RIC3: variants seen among roughly 807,000 people sequenced by gnomAD.
RIC3 encodes RIC3 acetylcholine receptor chaperone, also known as protein RIC-3.
In RIC3, 28 loss-of-function variants were observed where a neutral mutation model predicts 27.3. The observed-to-expected ratio is 1.02, with a 90% CI of 0.76 to 1.41. The LOEUF (loss-of-function observed/expected upper bound fraction) is 1.41. Among genes scored for constraint, RIC3 ranks in the 40% most tolerant of loss-of-function variants. The probability of loss-of-function intolerance (pLI) is 0.00; values close to 1 mark genes in which losing one functional copy is unlikely to be tolerated. For synonymous variants in RIC3, 184 were observed against 160.4 expected (o/e 1.15, Z -1.11); for missense variants, 501 against 444.7 (o/e 1.13, Z -1.14).
chr11:8,111,177 TCCTC>T, intron 5 of RIC3, 40 bp from the exon 6 acceptor site: 1 of 1,321,074 alleles, frequency 7.6e-7, no homozygotes, highest in Non-Finnish European at 1.0e-6. Flanking sequence ...AAAGAATGTC[TCCTC>T]AAAAAAAAAA....
intron 1 of RIC3, among the ~76,000 whole-genome samples, chr11:8,166,993 A>T (rs1030241688): frequency 6.6e-6 from 1 of 152,208 alleles, no homozygotes; most frequent in South Asian, 2.1e-4. Context: ...AAGATTCTCA[A>T]TGGTGTATGT....
intron 4 of RIC3, among the ~76,000 whole-genome samples, chr11:8,135,202 G>A (rs892714199): frequency 3.9e-5 from 6 of 152,112 alleles, no homozygotes; most frequent in Non-Finnish European, 8.8e-5. Flanking sequence ...TCTACATATG[G>A]CTAGCCAGTT....
At chr11:8,126,918 G>T in intron 4 of RIC3, 111 bp from the exon 5 acceptor site, 1 of 1,249,948 alleles carries the variant, frequency 8.0e-7, no homozygotes, top group Non-Finnish European at 1.1e-6. Context: ...AATTGCAGCA[G>T]ATAATTATTC....
intron 1 of RIC3, among the ~76,000 whole-genome samples, chr11:8,165,982 T>C (rs1326452697): frequency 1.3e-5 from 2 of 151,616 alleles, no homozygotes; most frequent in African/African-American, 4.9e-5. Flanking sequence ...GAGATGGGGG[T>C]CTTGTTATGT....
chr11:8,163,996 A>C (rs1455225964), intron 1 of RIC3, among the ~76,000 whole-genome samples: 1 of 152,214 alleles, frequency 6.6e-6, no homozygotes, highest in African/African-American at 2.4e-5. Flanking sequence ...GGCTAAGGAT[A>C]AGTATACAGA....
intron 5 of RIC3, among the ~76,000 whole-genome samples, chr11:8,121,585 A>G (rs982665142): frequency 1.3e-5 from 2 of 152,052 alleles, no homozygotes; most frequent in Non-Finnish European, 2.9e-5. Context: ...GCATGGTGGC[A>G]CATGACTGTA....
intron 2 of RIC3, chr11:8,139,737 C>G (rs1292755326): frequency 4.1e-6 from 2 of 483,792 alleles, no homozygotes; most frequent in Non-Finnish European, 7.2e-6. Flanking sequence ...CTAGTTCTGC[C>G]TTGTTAGTTG....
intron 5 of RIC3, among the ~76,000 whole-genome samples, chr11:8,117,312 G>C (rs1247773807): frequency 1.3e-5 from 2 of 152,170 alleles, no homozygotes; most frequent in African/African-American, 4.8e-5. Flanking sequence ...CAATCCACCT[G>C]CCTCGGCCTC....
chr11:8,102,638 C>G (rs928236956), downstream of RIC3: 1 of 152,262 alleles, frequency 6.6e-6, no homozygotes, highest in Non-Finnish European at 1.5e-5. Context: ...AACTTTCTCA[C>G]TGCTGTCAGC....
intron 4 of RIC3, among the ~76,000 whole-genome samples, chr11:8,136,097 G>A (rs1035638985): frequency 2.6e-5 from 4 of 152,052 alleles, no homozygotes; most frequent in African/African-American, 7.2e-5. Flanking sequence ...AAGGCTCCTG[G>A]GCCCACACAG....
rs182968696 is a variant in RIC3, at chr11:8,158,031, A to C, written c.124+10835T>G. Among the ~76,000 whole-genome samples, 971 of 152,296 alleles carry C rather than the reference A, an allele frequency of 6.4e-3. 22 individuals carry two copies. The highest frequency in any genetic ancestry group is 0.051 in the Admixed American group (780 of 15,290). On this transcript the variant is annotated intron_variant, in intron 1 of 5. Transcript: ENST00000309737. Reference sequence around the variant, plus strand: ...GATCTCTGATGCTTCATTAGGGAAAATAAATGGTAACCAACCAAAATAATA... The same window carrying C: ...GATCTCTGATGCTTCATTAGGGAAACTAAATGGTAACCAACCAAAATAATA...
chr11:8,148,738 T>C (rs1320583756), intron 1 of RIC3, among the ~76,000 whole-genome samples: 1 of 151,942 alleles, frequency 6.6e-6, no homozygotes, highest in Non-Finnish European at 1.5e-5. Flanking sequence ...AAACAATAGT[T>C]CCCACATGGA....
chr11:8,119,278 T>C (rs1161742542), intron 5 of RIC3, among the ~76,000 whole-genome samples: 1 of 152,236 alleles, frequency 6.6e-6, no homozygotes, highest in Non-Finnish European at 1.5e-5. Context: ...GGCATCATGC[T>C]ACCTGACTTC....
At chr11:8,130,936 C>T (rs1276717177) in intron 4 of RIC3, among the ~76,000 whole-genome samples, 3 of 151,880 alleles carry the variant, frequency 2.0e-5, no homozygotes, top group South Asian at 2.1e-4. Context: ...CTCAGGACCA[C>T]GTAAGCTACG....
chr11:8,140,811 A>C (rs1948967074), intron 1 of RIC3, among the ~76,000 whole-genome samples: 1 of 152,176 alleles, frequency 6.6e-6, no homozygotes, highest in South Asian at 2.1e-4. Context: ...AGATAAGAAA[A>C]TACAGACTAA....
Position 8,165,172 on chromosome 11 carries a change from TCAC to T in RIC3, c.124+3691_124+3693del, listed in dbSNP as rs375981860. On this transcript the variant is annotated intron_variant, in intron 1 of 5. Coordinates refer to ENST00000309737, the MANE Select transcript of RIC3 (RefSeq NM_001206671.4). Reference sequence around the variant, plus strand: ...CTTAGTTCCAGCCACACTGGAATGCTCACATTTTCCAAATGTATACACTCAAGA... The same window carrying T: ...CTTAGTTCCAGCCACACTGGAATGCTATTTTCCAAATGTATACACTCAAGA... 8.5e-4 allele frequency among the ~76,000 whole-genome samples: 130 copies of T among 152,342 alleles called. 1 individual carries two copies. The East Asian group carries it at 0.023, about 27-fold the overall frequency.
intron 1 of RIC3, among the ~76,000 whole-genome samples, chr11:8,162,080 G>A (rs1456843233): frequency 6.6e-6 from 1 of 151,906 alleles, no homozygotes; most frequent in Non-Finnish European, 1.5e-5. Context: ...GGTAATGTCC[G>A]AAACTGTTGC....
At chr11:8,111,923 C>CT (rs1212495173) in intron 5 of RIC3, among the ~76,000 whole-genome samples, 7 of 152,252 alleles carry the variant, frequency 4.6e-5, no homozygotes, top group Non-Finnish European at 8.8e-5. Context: ...CTGGAGCTCA[C>CT]ACACCAGTAC....
At chr11:8,118,129 A>G (rs1267187817) in intron 5 of RIC3, among the ~76,000 whole-genome samples, 2 of 150,914 alleles carry the variant, frequency 1.3e-5, no homozygotes, top group African/African-American at 4.9e-5. Flanking sequence ...AGGCTGAGGC[A>G]GGAGAATGAC....
Sources: gnomAD v4.1 joint callset for allele counts (sites outside exome capture counted in the v4.1 genomes callset) on GRCh38, gnomAD v4.1.1 for gene constraint, MANE v1.5 for transcripts, NCBI Gene and HGNC (gene_info 2026-07-23, HGNC 2026-07-21) for gene names.